KCNAB3: variants seen among roughly 807,000 people sequenced by gnomAD.
KCNAB3 encodes voltage-gated potassium channel subunit beta-3.
KCNAB3 carries 62 observed loss-of-function variants against 67.7 expected under a neutral mutation model. That is an observed-to-expected ratio of 0.92 (90% confidence interval 0.75 to 1.13). The LOEUF is 1.13. KCNAB3 is among the 50% of genes most tolerant of loss of function. The pLI is 0.00. For synonymous variants in KCNAB3, 212 were observed against 205.4 expected (o/e 1.03, Z -0.27); for missense variants, 514 against 522.9 (o/e 0.98, Z 0.17).
chr17:7,925,870 C>CCAAAACCAACACAAAAA, intron 6 of KCNAB3, 61 bp downstream of exon 6: 1 of 1,516,040 alleles, frequency 6.6e-7, no homozygotes, highest in Non-Finnish European at 9.2e-7. Context: ...ACCCCCACCC[C>CCAAAACCAACACAAAAA]ATACACCTTC....
chr17:7,929,468 A>C lies in KCNAB3; in HGVS notation c.-33T>G. Reference sequence around the variant, plus strand: ...GGCCGAGGCGGGGGAGGGGGCTCCGAGGGGACGGGAGGGGGGAGCAGGGAA... The same window carrying C: ...GGCCGAGGCGGGGGAGGGGGCTCCGCGGGGACGGGAGGGGGGAGCAGGGAA... On this transcript the variant is annotated 5_prime_UTR_variant, in exon 1 of 14. Coordinates refer to ENST00000303790, the MANE Select transcript of KCNAB3 (RefSeq NM_004732.4). The surrounding 1 kb of genome is among the most constrained non-coding windows in gnomAD (Gnocchi z 5.7). 1 of 1,169,736 alleles carries C rather than the reference A, an allele frequency of 8.5e-7. No homozygotes were observed. The highest frequency in any genetic ancestry group is 1.2e-6 in the Non-Finnish European group (1 of 837,962). The allele number at this position is 1,169,736 out of a possible 1,614,324, so 72.5% of individuals were successfully genotyped here.
Position 7,927,839 on chromosome 17 carries a change from G to T in KCNAB3, c.243-13C>A, listed in dbSNP as rs928802266. The T allele has an allele frequency of 3.1e-6, 5 of 1,613,732 alleles. No homozygotes were observed. In the African/African-American group the frequency reaches 6.7e-5, roughly 22 times the overall value. On this transcript the variant is annotated splice_polypyrimidine_tract_variant and intron_variant, in intron 1 of 13. Coordinates refer to ENST00000303790, the MANE Select transcript of KCNAB3 (RefSeq NM_004732.4). Reference sequence around the variant, plus strand: ...CTTCCCTAGGTTCCTGCAAGATACAGAAGCAGCGGGAAGGGGTGGAGCCTC... The same window carrying T: ...CTTCCCTAGGTTCCTGCAAGATACATAAGCAGCGGGAAGGGGTGGAGCCTC...
chr17:7,925,827 A>G (rs1195745222), intron 6 of KCNAB3, 101 bp from the exon 7 acceptor site: 1 of 1,590,628 alleles, frequency 6.3e-7, no homozygotes, highest in Non-Finnish European at 8.6e-7. Flanking sequence ...CTTCACAGGC[A>G]TGGTGCGGAC....
chr17:7,923,959 A>G lies in KCNAB3; in HGVS notation c.927+9T>C. ...CCCAGTCCTGCCATCGAGAGCCCCCAGATCTCACCTTGATGGAGGCCCTGC... is the reference window on the plus strand; with the variant it reads ...CCCAGTCCTGCCATCGAGAGCCCCCGGATCTCACCTTGATGGAGGCCCTGC... On this transcript the variant is annotated intron_variant, in intron 11 of 13. Transcript: ENST00000303790. 3 of 1,607,604 alleles carry G rather than the reference A, an allele frequency of 1.9e-6. No homozygotes were observed. The highest frequency in any genetic ancestry group is 2.5e-6 in the Non-Finnish European group (3 of 1,177,550).
At chr17:7,924,085 C>A in intron 10 of KCNAB3, 23 bp from the exon 11 acceptor site, 1 of 1,614,118 alleles carries the variant, frequency 6.2e-7, no homozygotes. Context: ...CACTGGGTGT[C>A]AGGAAAAGGA....
At position 7,929,482 on chromosome 17, in the gene KCNAB3, G is replaced by A; in HGVS notation, c.-47C>T. ...AGGGGGCTCCGAGGGGACGGGAGGG[G>A]GGAGCAGGGAAGCCCGAGGGCTGAC... On this transcript the variant is annotated 5_prime_UTR_variant, in exon 1 of 14. Transcript: ENST00000303790. This position sits in a 1 kb window ranked among gnomAD's most constrained non-coding sequence, Gnocchi z 5.7. 6.5e-7 allele frequency: 1 copy of A among 1,540,344 alleles called. No homozygotes were observed. The highest frequency in any genetic ancestry group is 1.2e-5 in the South Asian group (1 of 83,668).
intron 8 of KCNAB3, 107 bp from the exon 9 acceptor site, chr17:7,924,607 A>AGCT: frequency 6.9e-7 from 1 of 1,454,392 alleles, no homozygotes; most frequent in Non-Finnish European, 9.0e-7. Context: ...AACTCTATGG[A>AGCT]GTCATGAAAG....
intron 4 of KCNAB3, among the ~76,000 whole-genome samples, chr17:7,926,972 T>C (rs149253679): frequency 4.3e-4 from 65 of 152,248 alleles, no homozygotes; most frequent in African/African-American, 1.5e-3. Flanking sequence ...GGGTCAAGTC[T>C]TGAAGATGAG....
intron 13 of KCNAB3, 135 bp downstream of exon 13, chr17:7,923,321 G>A (rs919151792): frequency 3.2e-6 from 4 of 1,244,900 alleles, no homozygotes; most frequent in East Asian, 4.8e-5. Flanking sequence ...CTCGCTTTCC[G>A]GCCCTGGGAC....
rs1598040261 is a variant in KCNAB3 at position 7,929,653 on chromosome 17, C to G, written c.-218G>C. 5.0e-6 allele frequency: 7 copies of G among 1,413,536 alleles called. No individual in the cohort carries two copies. The highest frequency in any genetic ancestry group is 2.6e-4 in the Middle Eastern group (1 of 3,800). 87.6% of individuals were successfully genotyped at this position (1,413,536 alleles called of 1,614,324 possible). On this transcript the variant is annotated 5_prime_UTR_variant, in exon 1 of 14. Transcript: ENST00000303790. The surrounding 1 kb of genome is among the most constrained non-coding windows in gnomAD (Gnocchi z 5.7). Reference sequence around the variant, plus strand: ...CGGGAGGGAAGAAACGTGGGGGGCGCCAGGAGTGGAGATATTCAGTTACGG... The same window carrying G: ...CGGGAGGGAAGAAACGTGGGGGGCGGCAGGAGTGGAGATATTCAGTTACGG...
chr17:7,929,811 G>T lies in KCNAB3; in HGVS notation c.-376C>A. The T allele has an allele frequency of 9.7e-7, 1 of 1,032,090 alleles. No homozygotes were observed. Among genetic ancestry groups the T allele is most frequent in the Non-Finnish European group, 1.2e-6 (1 of 860,204 alleles). The allele number at this position is 1,032,090 out of a possible 1,614,324, so 63.9% of individuals were successfully genotyped here. On this transcript the variant is annotated 5_prime_UTR_variant, in exon 1 of 14. Coordinates refer to ENST00000303790, the MANE Select transcript of KCNAB3 (RefSeq NM_004732.4). The surrounding 1 kb of genome is among the most constrained non-coding windows in gnomAD (Gnocchi z 5.7). Reference sequence around the variant, plus strand: ...AGATGCCACTTCAGCGCGAACCGCTGCGGGACCCGCTGGGCTCCCAGCCGC... The same window carrying T: ...AGATGCCACTTCAGCGCGAACCGCTTCGGGACCCGCTGGGCTCCCAGCCGC...
intron 3 of KCNAB3, 93 bp downstream of exon 3, chr17:7,927,564 G>C: frequency 6.5e-7 from 1 of 1,548,370 alleles, no homozygotes; most frequent in Non-Finnish European, 8.9e-7. Context: ...CTCATTCCCT[G>C]TGCTTGTTGT....
rs1972116992 is a variant in KCNAB3, at chr17:7,923,513, A to G, written c.1080T>C (p.Ser360=). 4 of 1,612,518 alleles carry G rather than the reference A, an allele frequency of 2.5e-6. No homozygotes were observed. In the African/African-American group the frequency reaches 4.0e-5, roughly 16 times the overall value. ...CCGCACTCGACACCCCCAGCAAGAC[A>G]GAGCTGACACCCTCACTGCGGAGAC... is the stretch of plus-strand genomic sequence containing the variant. ...AWCLRSEGVS[S]VLLGVSSAEQ... The change falls in exon 13 of 14, where the codon TCT becomes TCC. Residue 360 remains serine, a synonymous_variant. Transcript: ENST00000303790.
At position 7,922,735 on chromosome 17, in the gene KCNAB3, G is replaced by A. The variant is rs572990477; in HGVS notation, c.*367C>T. 1 of 318,850 alleles carries A rather than the reference G, an allele frequency of 3.1e-6. No homozygotes were observed. The highest frequency in any genetic ancestry group is 3.7e-5 in the South Asian group (1 of 27,008). 19.8% of individuals were successfully genotyped at this position (318,850 alleles called of 1,614,324 possible). On this transcript the variant is annotated 3_prime_UTR_variant, in exon 14 of 14. Transcript: ENST00000303790. ...GGGCCCCTTTTGAGGTACACTGTAT[G>A]TTTCTTGTATGTGCTGGGTTTTTGT...
At position 7,923,143 on chromosome 17, in the gene KCNAB3, T is replaced by C. The variant is rs1395051782; in HGVS notation, c.1174A>G (p.Ile392Val). 6.2e-7 allele frequency: 1 copy of C among 1,614,166 alleles called. No individual in the cohort carries two copies. Among genetic ancestry groups the C allele is most frequent in the Admixed American group, 1.7e-5 (1 of 60,022 alleles). Residue 392 changes from isoleucine to valine, a missense_variant, in exon 14 of 14, where the codon ATA becomes GTA. By Grantham distance (29) the Ile-to-Val change is conservative. Coordinates refer to ENST00000303790, the MANE Select transcript of KCNAB3 (RefSeq NM_004732.4). ...GGCTTGTTTCCCAGGAGCCCGTCTA[T>C]TTCCATCACTGTCTGCGGGGTCAGC... ...SQLTPQTVME[I>V]DGLLGNKPHS...
chr17:7,928,067 C>G (rs533139899), intron 1 of KCNAB3: 1 of 600,002 alleles, frequency 1.7e-6, no homozygotes, highest in African/African-American at 1.9e-5. Flanking sequence ...TCCAGAGTCT[C>G]CATTCCCTCT....
At position 7,929,427 on chromosome 17, in the gene KCNAB3, C is replaced by T; in HGVS notation, c.9G>A (p.Val3=). ...GGTTCTGCTCGGTACACGCGATAGA[C>T]ACCTGCATGCTGGCTGGCCGAGGCG... The part of the protein sequence containing the change: MQ[V]SIACTEQNLR... Residue 3 remains valine (V), a synonymous_variant, in exon 1 of 14, where the codon GTG becomes GTA. Coordinates refer to ENST00000303790, the MANE Select transcript of KCNAB3 (RefSeq NM_004732.4). The surrounding 1 kb of genome is among the most constrained non-coding windows in gnomAD (Gnocchi z 5.7). 1 of 1,547,774 alleles carries T rather than the reference C, an allele frequency of 6.5e-7. No individual in the cohort carries two copies. Among genetic ancestry groups the T allele is most frequent in the Non-Finnish European group, 8.7e-7 (1 of 1,146,366 alleles).
chr17:7,926,526 G>GA (rs1353687498), intron 4 of KCNAB3, among the ~76,000 whole-genome samples: 1 of 152,164 alleles, frequency 6.6e-6, no homozygotes, highest in Non-Finnish European at 1.5e-5. Flanking sequence ...TGTGTTCTCT[G>GA]AGTGCCACAA....
chr17:7,927,618 C>T, intron 3 of KCNAB3, 39 bp downstream of exon 3: 2 of 1,612,808 alleles, frequency 1.2e-6, no homozygotes, highest in Non-Finnish European at 1.7e-6. Context: ...CAAGTTCCCT[C>T]ACCCCCACCA....
Sources: allele counts gnomAD v4.1 joint callset (sites outside exome capture counted in the v4.1 genomes callset), GRCh38; gene constraint gnomAD v4.1.1; non-coding constraint Gnocchi (gnomAD v3.1); transcripts MANE v1.5; gene names NCBI Gene and HGNC (gene_info 2026-07-23, HGNC 2026-07-21).